Variants in NSD1 observed in about 807,000 individuals in gnomAD.
NSD1 encodes nuclear receptor binding SET domain protein 1, also known as histone-lysine N-methyltransferase, H3 lysine-36 specific.
NSD1 carries 26 observed loss-of-function variants against 242.7 expected under a neutral mutation model. That is an observed-to-expected ratio of 0.11 (90% CI 0.08 to 0.15). The LOEUF (loss-of-function observed/expected upper bound fraction) is 0.15, where lower values mean the gene tolerates loss of function less well. NSD1 is among the 10% of genes least tolerant of loss of function. NSD1 has a pLI of 1.00. For synonymous variants in NSD1, 1,106 were observed against 1,178.1 expected (o/e 0.94, Z 1.25); for missense variants, 2,495 against 3,272.8 (o/e 0.76, Z 5.80).
At chr5:177,139,444 CA>C (rs1281688922) in intron 2 of NSD1, among the ~76,000 whole-genome samples, 4,100 of 59,506 alleles carry the variant, frequency 0.069, 43 homozygotes, top group African/African-American at 0.11. Flanking sequence ...GACTCCATCT[CA>C]AAAAAAAAAA....
At chr5:177,217,589 CT>C (rs1763875286) in intron 5 of NSD1, among the ~76,000 whole-genome samples, 3 of 145,144 alleles carry the variant, frequency 2.1e-5, no homozygotes, top group Admixed American at 2.1e-4. Context: ...TAGCTGTGGT[CT>C]TTTTATATAT....
intron 5 of NSD1, among the ~76,000 whole-genome samples, chr5:177,215,481 C>T (rs1260049933): frequency 6.6e-6 from 1 of 151,604 alleles, no homozygotes; most frequent in African/African-American, 2.4e-5. Flanking sequence ...CAGTGATGTT[C>T]ATTTCTTTTG....
intron 2 of NSD1, among the ~76,000 whole-genome samples, chr5:177,183,604 G>C (rs1359538153): frequency 6.6e-6 from 1 of 151,930 alleles, no homozygotes; most frequent in East Asian, 1.9e-4. Context: ...TCCCCTCAAG[G>C]ATTTATCCTT....
intron 2 of NSD1, among the ~76,000 whole-genome samples, chr5:177,188,066 C>T (rs1761376288): frequency 6.6e-6 from 1 of 152,228 alleles, no homozygotes; most frequent in African/African-American, 2.4e-5. Flanking sequence ...TACATTTTCT[C>T]TGATCTCTTT....
Position 177,257,047 on chromosome 5 carries a change from A to G in NSD1, c.4862A>G (p.Gln1621Arg), listed in dbSNP as rs1317371310. 1 of 1,613,932 alleles carries G rather than the reference A, an allele frequency of 6.2e-7. No individual in the cohort carries two copies. The highest frequency in any genetic ancestry group is 1.7e-4 in the Middle Eastern group (1 of 6,060). Residue 1621 changes from glutamine (Q) to arginine (R), a missense_variant, in exon 13 of 23, where the codon CAG (glutamine) becomes CGG (arginine). This residue lies in a region of NSD1 where 32 missense variants were observed against 46.9 expected (regional missense o/e 0.68). Transcript: ENST00000439151. ...CGKFYHEECVQKYPPTVMQNK... is the reference protein window; with the variant it reads ...CGKFYHEECVRKYPPTVMQNK... ...AAGTTTTACCATGAAGAGTGTGTCC[A>G]GAAGTACCCACCCACTGTTATGCAG...
At chr5:177,216,281 A>G (rs1191322428) in intron 5 of NSD1, among the ~76,000 whole-genome samples, 1 of 152,130 alleles carries the variant, frequency 6.6e-6, no homozygotes, top group Admixed American at 6.6e-5. Flanking sequence ...CCCATTTTGT[A>G]CCTGCCTTTT....
intron 4 of NSD1, among the ~76,000 whole-genome samples, chr5:177,205,078 C>A (rs1762779833): frequency 6.6e-6 from 1 of 151,770 alleles, no homozygotes; most frequent in South Asian, 2.1e-4. Context: ...ACTCTGTCAC[C>A]CAGGCTGAAG....
chr5:177,220,624 C>T (rs1216401121), intron 5 of NSD1, among the ~76,000 whole-genome samples: 1 of 129,724 alleles, frequency 7.7e-6, no homozygotes, highest in Non-Finnish European at 1.5e-5. Flanking sequence ...GGCTGGAGTG[C>T]AGTGGCATGA....
intron 5 of NSD1, chr5:177,229,871 G>A (rs888735574): frequency 1.3e-5 from 3 of 230,594 alleles, no homozygotes; most frequent in African/African-American, 2.4e-5. Context: ...ACCCTCCTGA[G>A]TAGCTGCAAC....
At chr5:177,246,547 C>G (rs1054239320) in intron 9 of NSD1, 131 bp from the exon 10 acceptor site, 7 of 713,168 alleles carry the variant, frequency 9.8e-6, no homozygotes, top group African/African-American at 1.8e-5. Context: ...TATTATTTCC[C>G]CCGTTTTCCT....
chr5:177,250,296 A>G (rs1443227560), intron 11 of NSD1, among the ~76,000 whole-genome samples: 2 of 152,246 alleles, frequency 1.3e-5, no homozygotes. Context: ...GAGTGTAAAT[A>G]CATTTTACAA....
chr5:177,132,375 G>A (rs890749183), upstream of NSD1, among the ~76,000 whole-genome samples: 4 of 151,298 alleles, frequency 2.6e-5, no homozygotes, highest in African/African-American at 7.2e-5. This position sits in a 1 kb window ranked among gnomAD's most constrained non-coding sequence, Gnocchi z 7.5. Context: ...CCGGCCCCCA[G>A]CCCGGCGCGC....
At chr5:177,182,722 C>G (rs919154161) in intron 2 of NSD1, among the ~76,000 whole-genome samples, 4 of 152,130 alleles carry the variant, frequency 2.6e-5, no homozygotes, top group Admixed American at 6.6e-5. Context: ...CTGTAACCTT[C>G]CATCTCCCGG....
chr5:177,204,916 C>T (rs953218464), intron 4 of NSD1, among the ~76,000 whole-genome samples: 2 of 152,182 alleles, frequency 1.3e-5, no homozygotes, highest in Admixed American at 6.5e-5. Flanking sequence ...TATGACATAG[C>T]GTGACCATTC....
intron 16 of NSD1, among the ~76,000 whole-genome samples, chr5:177,272,575 T>C (rs575457740): frequency 6.6e-6 from 1 of 152,302 alleles, no homozygotes; most frequent in East Asian, 1.9e-4. Flanking sequence ...ACTTTTCAGA[T>C]ACTGCAATCT....
intron 2 of NSD1, among the ~76,000 whole-genome samples, chr5:177,182,927 C>T (rs1302869995): frequency 2.0e-5 from 3 of 152,052 alleles, no homozygotes; most frequent in Non-Finnish European, 4.4e-5. Flanking sequence ...CGTGAGCCAC[C>T]GTGCCTGGCC....
At chr5:177,293,779 T>C in intron 22 of NSD1, 53 bp from the exon 23 acceptor site, 2 of 1,594,172 alleles carry the variant, frequency 1.3e-6, no homozygotes, top group Non-Finnish European at 1.7e-6. Context: ...CCTTGGCCCA[T>C]GTGATATGTA....
intron 5 of NSD1, among the ~76,000 whole-genome samples, chr5:177,235,359 TA>T (rs1765362732): frequency 6.6e-6 from 1 of 152,132 alleles, no homozygotes; most frequent in East Asian, 1.9e-4. Context: ...GATAACTTAT[TA>T]TATATATATG....
intron 18 of NSD1, among the ~76,000 whole-genome samples, chr5:177,281,527 C>G (rs1758882153): frequency 6.6e-6 from 1 of 152,026 alleles, no homozygotes; most frequent in African/African-American, 2.4e-5. Flanking sequence ...CCTATACTTT[C>G]ATAAAATTTA....
Sources: gnomAD v4.1 joint callset for allele counts (sites outside exome capture counted in the v4.1 genomes callset) on GRCh38, gnomAD v4.1.1 for gene constraint, gnomAD v4.1.1 regional missense constraint, Gnocchi (gnomAD v3.1) non-coding constraint, MANE v1.5 for transcripts, NCBI Gene and HGNC (gene_info 2026-07-23, HGNC 2026-07-21) for gene names.